PTPRM: variants seen among roughly 807,000 people sequenced by gnomAD.
PTPRM encodes the protein protein tyrosine phosphatase receptor type M, also known as receptor-type tyrosine-protein phosphatase mu.
A neutral mutation model predicts 186.7 loss-of-function variants in PTPRM; 47 were observed. The ratio of observed to expected loss-of-function variants is 0.25; its 90% CI spans 0.20 to 0.32. PTPRM has a LOEUF of 0.32. Among genes scored for constraint, PTPRM ranks in the 10% least tolerant of loss-of-function variants. The pLI is 1.00. For synonymous variants in PTPRM, 668 were observed against 674.9 expected (o/e 0.99, Z 0.16); for missense variants, 1,494 against 1,865.0 (o/e 0.80, Z 3.66).
intron 14 of PTPRM, among the ~76,000 whole-genome samples, chr18:8,217,515 A>T (rs2147033809): frequency 6.6e-6 from 1 of 152,340 alleles, no homozygotes; most frequent in East Asian, 1.9e-4. Context: ...GAGCCGTTTT[A>T]GCTGCCTAAA....
intron 3 of PTPRM, among the ~76,000 whole-genome samples, chr18:7,896,696 GAGA>G (rs1471541711): frequency 6.6e-6 from 1 of 152,176 alleles, no homozygotes; most frequent in Non-Finnish European, 1.5e-5. Flanking sequence ...AGGGTCCTGG[GAGA>G]AGATTAGGTG....
intron 7 of PTPRM, among the ~76,000 whole-genome samples, chr18:8,019,203 G>A (rs2147943845): frequency 6.6e-6 from 1 of 152,300 alleles, no homozygotes; most frequent in South Asian, 2.1e-4. Flanking sequence ...GGAAGGGGTG[G>A]CTTTGGGAGT....
intron 7 of PTPRM, among the ~76,000 whole-genome samples, chr18:7,983,255 T>C (rs1230796405): frequency 6.6e-6 from 1 of 151,946 alleles, no homozygotes; most frequent in Non-Finnish European, 1.5e-5. Flanking sequence ...AACCCTATTA[T>C]GAACTGTGCA....
At chr18:8,383,158 C>T (rs2095748439) in intron 29 of PTPRM, among the ~76,000 whole-genome samples, 1 of 151,536 alleles carries the variant, frequency 6.6e-6, no homozygotes, top group Admixed American at 6.6e-5. Context: ...ATTAGCCGGG[C>T]GTGGTGGCGC....
chr18:8,165,919 G>T (rs1476844126), intron 14 of PTPRM, among the ~76,000 whole-genome samples: 1 of 152,020 alleles, frequency 6.6e-6, no homozygotes, highest in Non-Finnish European at 1.5e-5. Context: ...TAACACTTAG[G>T]GCTCGGGTCC....
At chr18:7,876,774 C>A (rs1033289401) in intron 2 of PTPRM, among the ~76,000 whole-genome samples, 3 of 152,162 alleles carry the variant, frequency 2.0e-5, no homozygotes, top group Non-Finnish European at 4.4e-5. Context: ...TATATACTTA[C>A]AAGGATATAA....
intron 7 of PTPRM, among the ~76,000 whole-genome samples, chr18:7,964,879 T>C (rs1433565809): frequency 1.3e-5 from 2 of 152,138 alleles, no homozygotes; most frequent in Non-Finnish European, 2.9e-5. Context: ...GTCCCTGTTC[T>C]GCAGGGTGGC....
chr18:8,303,121 G>A (rs190363865), intron 20 of PTPRM, among the ~76,000 whole-genome samples: 1 of 152,198 alleles, frequency 6.6e-6, no homozygotes, highest in Non-Finnish European at 1.5e-5. Context: ...CCCAGCTAAA[G>A]GGGCTTTAAT....
chr18:7,718,341 G>A (rs2040382708), intron 1 of PTPRM, among the ~76,000 whole-genome samples: 1 of 152,078 alleles, frequency 6.6e-6, no homozygotes, highest in South Asian at 2.1e-4. Context: ...AATGGTGCTG[G>A]GATAACTGGT....
intron 11 of PTPRM, among the ~76,000 whole-genome samples, chr18:8,100,121 G>A (rs1455410193): frequency 6.6e-6 from 1 of 150,420 alleles, no homozygotes; most frequent in Admixed American, 6.6e-5. Context: ...GGAGGGAGAT[G>A]CCACACACTT....
chr18:7,941,784 T>C (rs545836226), intron 5 of PTPRM, among the ~76,000 whole-genome samples: 145 of 152,334 alleles, frequency 9.5e-4, no homozygotes, highest in African/African-American at 3.3e-3. Context: ...CCCATCTTGT[T>C]CTCCTTGTGT....
chr18:8,119,883 A>G (rs2092105977), intron 13 of PTPRM, among the ~76,000 whole-genome samples: 1 of 152,196 alleles, frequency 6.6e-6, no homozygotes, highest in Non-Finnish European at 1.5e-5. Context: ...CTTTATTCCA[A>G]TTTTATACTT....
chr18:8,316,537 T>G (rs1434484567), intron 21 of PTPRM, among the ~76,000 whole-genome samples: 2 of 152,178 alleles, frequency 1.3e-5, no homozygotes, highest in Non-Finnish European at 2.9e-5. Context: ...GAGGGCCTCT[T>G]TATTCTCTTA....
intron 14 of PTPRM, among the ~76,000 whole-genome samples, chr18:8,228,092 G>A (rs922284894): frequency 6.6e-6 from 1 of 152,216 alleles, no homozygotes; most frequent in African/African-American, 2.4e-5. Flanking sequence ...AGGCGCTCAC[G>A]TGAGCTGTGG....
chr18:8,385,492 G>C (rs1043970833), intron 30 of PTPRM, among the ~76,000 whole-genome samples: 1 of 152,184 alleles, frequency 6.6e-6, no homozygotes, highest in Non-Finnish European at 1.5e-5. Flanking sequence ...GAGCACCGAG[G>C]CTCTCTGGGG....
intron 8 of PTPRM, among the ~76,000 whole-genome samples, chr18:8,073,338 G>A (rs761722735): frequency 6.6e-6 from 1 of 152,220 alleles, no homozygotes; most frequent in Non-Finnish European, 1.5e-5. Flanking sequence ...TCTTGATGGT[G>A]TGAGAAAACT....
chr18:7,832,588 A>G (rs1364769920), intron 2 of PTPRM, among the ~76,000 whole-genome samples: 1 of 152,038 alleles, frequency 6.6e-6, no homozygotes, highest in Non-Finnish European at 1.5e-5. Context: ...ATGGTTGATT[A>G]TTTCCTTTGC....
intron 14 of PTPRM, among the ~76,000 whole-genome samples, chr18:8,181,775 C>T (rs147858194): frequency 1.6e-4 from 25 of 152,266 alleles, no homozygotes; most frequent in African/African-American, 5.8e-4. Context: ...GTTCAGAACC[C>T]ACTTTTCCTT....
chr18:7,666,681 A>C (rs1189550241), intron 1 of PTPRM, among the ~76,000 whole-genome samples: 1 of 152,224 alleles, frequency 6.6e-6, no homozygotes, highest in Non-Finnish European at 1.5e-5. Context: ...CTTCAGACTA[A>C]GGCCCTGCTG....
Sources: allele counts gnomAD v4.1 joint callset (sites outside exome capture counted in the v4.1 genomes callset), GRCh38; gene constraint gnomAD v4.1.1; transcripts MANE v1.5; gene names NCBI Gene and HGNC (gene_info 2026-07-23, HGNC 2026-07-21).